OXR1: variants seen among roughly 807,000 people sequenced by gnomAD.
OXR1 encodes the protein oxidation resistance protein 1.
OXR1 carries 41 observed loss-of-function variants against 104.6 expected under a neutral mutation model. The ratio of observed to expected loss-of-function variants is 0.39; its 90% confidence interval spans 0.31 to 0.51. The LOEUF (loss-of-function observed/expected upper bound fraction) is 0.51, where lower values mean the gene tolerates loss of function less well. Among genes scored for constraint, OXR1 ranks in the 20% least tolerant of loss-of-function variants. The probability of loss-of-function intolerance (pLI) is 0.77; values close to 1 mark genes in which losing one functional copy is unlikely to be tolerated. For missense variants in OXR1, 955 were observed against 1,031.9 expected (o/e 0.93, Z 1.02); for synonymous variants, 348 against 348.4 (o/e 1.00, Z 0.01).
intron 2 of OXR1, among the ~76,000 whole-genome samples, chr8:106,517,988 G>T (rs1371601313): frequency 6.6e-6 from 1 of 152,084 alleles, no homozygotes; most frequent in Non-Finnish European, 1.5e-5. Flanking sequence ...GGCTACCAAG[G>T]TCCACGTCAT....
At chr8:106,743,618 A>G (rs1157179090) in intron 15 of OXR1, among the ~76,000 whole-genome samples, 2 of 152,058 alleles carry the variant, frequency 1.3e-5, no homozygotes, top group South Asian at 4.1e-4. Context: ...ACCACGCCCA[A>G]CTGAAAAAGG....
At chr8:106,329,055 G>T (rs888044022) in intron 1 of OXR1, among the ~76,000 whole-genome samples, 5 of 152,064 alleles carry the variant, frequency 3.3e-5, no homozygotes, top group Admixed American at 3.3e-4. Flanking sequence ...GCAGTGGTGC[G>T]ATCTCTGCTC....
intron 2 of OXR1, among the ~76,000 whole-genome samples, chr8:106,426,154 G>A (rs1055557129): frequency 2.0e-5 from 3 of 152,098 alleles, no homozygotes; most frequent in Admixed American, 1.3e-4. Flanking sequence ...TCCCTCATAT[G>A]GGATAATAAT....
In OXR1 at chr8:106,422,438, A is replaced by G. The variant is rs556451621; in HGVS notation, c.23+62802A>G. Among the ~76,000 whole-genome samples the G allele has an allele frequency of 1.5e-4, 23 of 152,298 alleles. No individual in the cohort carries two copies. The South Asian group carries it at 1.7e-3, about 11-fold the overall frequency. On this transcript the variant is annotated intron_variant, in intron 2 of 16. Transcript: ENST00000517566. ...TTTTGAGATAATATAAATGTCCTAG[A>G]TTCCGTGCTGTGTCTTAGAAAAAGA...
At chr8:106,427,650 G>C (rs1470565331) in intron 2 of OXR1, among the ~76,000 whole-genome samples, 1 of 152,096 alleles carries the variant, frequency 6.6e-6, no homozygotes, top group Non-Finnish European at 1.5e-5. Flanking sequence ...ATTTTCTTAA[G>C]TCTTCCATTA....
At chr8:106,736,165 A>ACCCCCCCCCCCC (rs5893803) in intron 11 of OXR1, among the ~76,000 whole-genome samples, 2 of 145,606 alleles carry the variant, frequency 1.4e-5, no homozygotes, top group Admixed American at 6.9e-5. Flanking sequence ...TTTATCTGAC[A>ACCCCCCCCCCCC]CCCCCCCCCA....
chr8:106,605,556 A>C (rs1246875182), intron 3 of OXR1, among the ~76,000 whole-genome samples: 1 of 150,404 alleles, frequency 6.6e-6, no homozygotes, highest in Non-Finnish European at 1.5e-5. Context: ...GCACTTTTGG[A>C]GGCTGAGGCA....
At chr8:106,622,717 T>C (rs543320217) in intron 3 of OXR1, among the ~76,000 whole-genome samples, 17 of 152,266 alleles carry the variant, frequency 1.1e-4, no homozygotes, top group Non-Finnish European at 2.2e-4. Flanking sequence ...GTACCTAAAA[T>C]TTCAAATCCC....
chr8:106,521,696 T>C (rs1813274367), intron 3 of OXR1, among the ~76,000 whole-genome samples: 1 of 152,120 alleles, frequency 6.6e-6, no homozygotes, highest in Non-Finnish European at 1.5e-5. Flanking sequence ...GTATTTTTGG[T>C]AGAAACGGGG....
intron 2 of OXR1, among the ~76,000 whole-genome samples, chr8:106,374,197 G>C (rs946378276): frequency 6.6e-6 from 1 of 152,186 alleles, no homozygotes; most frequent in Non-Finnish European, 1.5e-5. Context: ...TATATAAGGA[G>C]CATGGCTAAT....
chr8:106,288,568 T>TA (rs1554618331), intron 1 of OXR1, among the ~76,000 whole-genome samples: 3 of 145,140 alleles, frequency 2.1e-5, no homozygotes, highest in Non-Finnish European at 4.5e-5. Context: ...TGTATATATA[T>TA]GGTGTGTATA....
At chr8:106,495,574 A>G (rs931055999) in intron 2 of OXR1, among the ~76,000 whole-genome samples, 2 of 152,216 alleles carry the variant, frequency 1.3e-5, no homozygotes, top group Non-Finnish European at 2.9e-5. Flanking sequence ...CGTTTTGTAA[A>G]TTCCAAAATT....
intron 1 of OXR1, among the ~76,000 whole-genome samples, chr8:106,303,558 C>A (rs892660451): frequency 2.0e-5 from 3 of 152,008 alleles, no homozygotes; most frequent in South Asian, 2.1e-4. Context: ...AATTTGTATA[C>A]CTTACTTCAT....
chr8:106,370,148 CT>C (rs1031141367), intron 2 of OXR1, among the ~76,000 whole-genome samples: 2 of 152,034 alleles, frequency 1.3e-5, no homozygotes, highest in African/African-American at 4.8e-5. Flanking sequence ...GTATTTTATT[CT>C]CTTTGTAGTG....
intron 2 of OXR1, among the ~76,000 whole-genome samples, chr8:106,517,274 T>C (rs904128661): frequency 6.6e-6 from 1 of 152,182 alleles, no homozygotes; most frequent in African/African-American, 2.4e-5. Flanking sequence ...TTAATATACG[T>C]AGAATCATAG....
rs370642154 is a variant in OXR1 at position 106,658,341 on chromosome 8, G to A, written c.221-20869G>A. Among the ~76,000 whole-genome samples the A allele has an allele frequency of 9.2e-5, 14 of 152,292 alleles. No homozygotes were observed. The East Asian group carries it at 1.9e-3, about 21-fold the overall frequency. On this transcript the variant is annotated intron_variant, in intron 3 of 16. Coordinates refer to ENST00000517566, the MANE Select transcript of OXR1 (RefSeq NM_001198533.2). Reference sequence around the variant, plus strand: ...GTGGCCGGGGTGGCGGCCGCCGGGGGCGAGGAAGGAAGGACTCGTTCGGCT... The same window carrying A: ...GTGGCCGGGGTGGCGGCCGCCGGGGACGAGGAAGGAAGGACTCGTTCGGCT...
chr8:106,342,545 G>A (rs778979853), intron 1 of OXR1, among the ~76,000 whole-genome samples: 10 of 151,996 alleles, frequency 6.6e-5, no homozygotes, highest in Non-Finnish European at 1.0e-4. Flanking sequence ...ATGAGCCACC[G>A]TGCCCGGCCT....
intron 2 of OXR1, among the ~76,000 whole-genome samples, chr8:106,368,559 C>T (rs1234114773): frequency 1.3e-5 from 2 of 151,760 alleles, no homozygotes; most frequent in Non-Finnish European, 1.5e-5. Flanking sequence ...TCAACCCCCA[C>T]CCCCCAACAG....
chr8:106,715,519 C>T (rs1832154387), intron 11 of OXR1, among the ~76,000 whole-genome samples: 3 of 150,670 alleles, frequency 2.0e-5, no homozygotes, highest in African/African-American at 7.3e-5. Context: ...TTAAAATAGC[C>T]CAGGTGATCA....
Sources: allele counts gnomAD v4.1 joint callset (sites outside exome capture counted in the v4.1 genomes callset), GRCh38; gene constraint gnomAD v4.1.1; transcripts MANE v1.5; gene names NCBI Gene and HGNC (gene_info 2026-07-23, HGNC 2026-07-21).